Variants in BMPR1B observed in about 807,000 individuals in gnomAD.
BMPR1B encodes the protein bone morphogenetic protein receptor type 1B.
Under a neutral mutation model 59.1 loss-of-function variants are expected in BMPR1B, and 12 were observed. That is an observed-to-expected ratio of 0.20 (90% CI 0.13 to 0.33). The LOEUF (loss-of-function observed/expected upper bound fraction) is 0.33. Among genes scored for constraint, BMPR1B ranks in the 10% least tolerant of loss-of-function variants. BMPR1B has a pLI of 1.00. For missense variants in BMPR1B, 550 were observed against 610.9 expected (o/e 0.90, Z 1.05); for synonymous variants, 237 against 207.3 (o/e 1.14, Z -1.23).
chr4:95,049,395 C>T (rs1015545641), intron 3 of BMPR1B, among the ~76,000 whole-genome samples: 4 of 133,076 alleles, frequency 3.0e-5, no homozygotes, highest in Admixed American at 8.2e-5. Flanking sequence ...ATTACAGGTA[C>T]GAGCCAATGT....
At chr4:94,869,092 TCAAACACACACA>T (rs751433204) in intron 1 of BMPR1B, among the ~76,000 whole-genome samples, 1 of 100,222 alleles carries the variant, frequency 1.0e-5, no homozygotes, top group African/African-American at 4.2e-5. Context: ...AATTTTACTA[TCAAACACACACA>T]CACACACACA....
chr4:95,008,621 C>G (rs751090902), intron 3 of BMPR1B, among the ~76,000 whole-genome samples: 9 of 151,718 alleles, frequency 5.9e-5, no homozygotes, highest in Non-Finnish European at 1.2e-4. Context: ...TTTACCAAGA[C>G]CAGAAATAGA....
At chr4:94,947,335 T>G (rs752860114) in intron 2 of BMPR1B, among the ~76,000 whole-genome samples, 1 of 152,344 alleles carries the variant, frequency 6.6e-6, no homozygotes, top group Non-Finnish European at 1.5e-5. Flanking sequence ...ACCCTTTACA[T>G]GTGCTTATCT....
In BMPR1B at chr4:95,114,835, A is replaced by C; in HGVS notation, c.246+13A>C. 1.9e-6 allele frequency: 3 copies of C among 1,584,564 alleles called. No individual in the cohort carries two copies. Among genetic ancestry groups the C allele is most frequent in the Non-Finnish European group, 2.6e-6 (3 of 1,153,328 alleles). Reference sequence around the variant, plus strand: ...TTTTCAGTGTCGGGTAAGGTAGATAACTTGATTCTGTAACCTTTCATTGGC... The same window carrying C: ...TTTTCAGTGTCGGGTAAGGTAGATACCTTGATTCTGTAACCTTTCATTGGC... On this transcript the variant is annotated intron_variant, in intron 5 of 12. Transcript: ENST00000515059.
intron 6 of BMPR1B, among the ~76,000 whole-genome samples, chr4:95,119,414 AG>A (rs1423874354): frequency 6.6e-6 from 1 of 152,162 alleles, no homozygotes; most frequent in Non-Finnish European, 1.5e-5. Flanking sequence ...GGAGGAATGG[AG>A]GAAAAAATTT....
intron 1 of BMPR1B, among the ~76,000 whole-genome samples, chr4:94,763,892 C>G (rs1721869920): frequency 6.6e-6 from 1 of 152,150 alleles, no homozygotes; most frequent in Non-Finnish European, 1.5e-5. Context: ...TTTTCCAATA[C>G]ACATTTAGCC....
chr4:94,815,156 C>T (rs947759342), intron 1 of BMPR1B, among the ~76,000 whole-genome samples: 10 of 152,150 alleles, frequency 6.6e-5, no homozygotes, highest in Non-Finnish European at 8.8e-5. Flanking sequence ...CCACCCGCCT[C>T]GGCCTCCCAG....
chr4:94,931,704 C>T (rs966039923), intron 2 of BMPR1B, among the ~76,000 whole-genome samples: 3 of 152,092 alleles, frequency 2.0e-5, no homozygotes, highest in Admixed American at 6.6e-5. Context: ...GTTCAGATTT[C>T]GTTCCCTAAC....
chr4:94,781,566 C>T (rs190179958), intron 1 of BMPR1B, among the ~76,000 whole-genome samples: 20 of 152,196 alleles, frequency 1.3e-4, no homozygotes, highest in African/African-American at 3.9e-4. Flanking sequence ...GTGCCCACCA[C>T]GCACCTGGCT....
intron 2 of BMPR1B, among the ~76,000 whole-genome samples, chr4:94,993,091 A>C (rs951501596): frequency 6.6e-6 from 1 of 152,024 alleles, no homozygotes; most frequent in African/African-American, 2.4e-5. Flanking sequence ...AGGTCTTGCT[A>C]TGTTTCCCAG....
At chr4:94,762,094 T>G in intron 1 of BMPR1B, among the ~76,000 whole-genome samples, 1 of 152,344 alleles carries the variant, frequency 6.6e-6, no homozygotes, top group African/African-American at 2.4e-5. Context: ...ATGTATAATT[T>G]ACATCAGGCA....
chr4:94,871,542 A>G (rs1240715932), intron 1 of BMPR1B, among the ~76,000 whole-genome samples: 1 of 152,144 alleles, frequency 6.6e-6, no homozygotes, highest in African/African-American at 2.4e-5. Flanking sequence ...CACATATTCC[A>G]TGGATTTTTG....
chr4:94,835,510 T>C (rs1724771204), intron 1 of BMPR1B, among the ~76,000 whole-genome samples: 1 of 152,206 alleles, frequency 6.6e-6, no homozygotes, highest in Non-Finnish European at 1.5e-5. Flanking sequence ...GCTTAACAAG[T>C]GTTCAGGATC....
intron 1 of BMPR1B, among the ~76,000 whole-genome samples, chr4:94,806,588 T>C (rs189216473): frequency 2.0e-5 from 3 of 152,308 alleles, no homozygotes; most frequent in African/African-American, 7.2e-5. Context: ...AGCTAGTAAT[T>C]CCTTCCCTAC....
chr4:94,973,258 G>A (rs1317788361), intron 2 of BMPR1B, among the ~76,000 whole-genome samples: 1 of 152,180 alleles, frequency 6.6e-6, no homozygotes, highest in Non-Finnish European at 1.5e-5. Context: ...CCCTCTGCCA[G>A]CGAGGGCAAA....
chr4:95,058,541 A>C (rs568411386), intron 3 of BMPR1B, among the ~76,000 whole-genome samples: 9 of 152,292 alleles, frequency 5.9e-5, no homozygotes, highest in African/African-American at 2.2e-4. Context: ...GCCAGGTGTG[A>C]GTCAATTTAA....
intron 10 of BMPR1B, among the ~76,000 whole-genome samples, chr4:95,136,304 G>A (rs944543008): frequency 3.3e-5 from 5 of 152,150 alleles, no homozygotes; most frequent in East Asian, 1.9e-4. Context: ...AGCTGGATTC[G>A]TTTTGCCAGT....
At chr4:95,107,467 C>T (rs930147715) in intron 4 of BMPR1B, among the ~76,000 whole-genome samples, 1 of 151,962 alleles carries the variant, frequency 6.6e-6, no homozygotes, top group Non-Finnish European at 1.5e-5. Context: ...GAAAGAAAAA[C>T]AGCCACAGTA....
intron 2 of BMPR1B, among the ~76,000 whole-genome samples, chr4:94,968,135 C>T (rs377455215): frequency 1.2e-4 from 18 of 152,242 alleles, no homozygotes; most frequent in African/African-American, 4.3e-4. Flanking sequence ...TAGCATCTCT[C>T]CAGACATCAT....
Sources: allele counts gnomAD v4.1 joint callset (sites outside exome capture counted in the v4.1 genomes callset), GRCh38; gene constraint gnomAD v4.1.1; transcripts MANE v1.5; gene names NCBI Gene and HGNC (gene_info 2026-07-23, HGNC 2026-07-21).